CHM: variants seen among roughly 807,000 people sequenced by gnomAD.
CHM encodes the protein rab proteins geranylgeranyltransferase component A 1.
CHM carries 10 observed loss-of-function variants against 49.0 expected under a neutral mutation model. The ratio of observed to expected loss-of-function variants is 0.20; its 90% CI spans 0.13 to 0.35. The LOEUF is 0.35. Among genes scored for constraint, CHM ranks in the 10% least tolerant of loss-of-function variants. The probability of loss-of-function intolerance (pLI) is 1.00; values close to 1 mark genes in which losing one functional copy is unlikely to be tolerated. For synonymous variants in CHM, 184 were observed against 167.5 expected, an observed-to-expected ratio of 1.10 and a Z score of -0.76; for missense variants, 455 against 478.4, an observed-to-expected ratio of 0.95 and a Z score of 0.46.
rs1037994102 is a variant in CHM, at chrX:85,946,873, G to A, written c.1166+9280C>T. On this transcript the variant is annotated intron_variant, in intron 8 of 14. Transcript: ENST00000357749. Reference sequence around the variant, plus strand: ...AACAACCTGTGAGAGCAGCCACAGGGGCTGAACTCTACAAAGCCACAGGGG... The same window carrying A: ...AACAACCTGTGAGAGCAGCCACAGGAGCTGAACTCTACAAAGCCACAGGGG... Among the ~76,000 whole-genome samples, 3 of 112,269 alleles carry A rather than the reference G, an allele frequency of 2.7e-5. No homozygotes were observed. The South Asian group carries it at 1.1e-3, about 41-fold the overall frequency.
intron 3 of CHM, among the ~76,000 whole-genome samples, chrX:85,981,206 CTATATA>C (rs1284378299): frequency 1.8e-5 from 1 of 54,366 alleles, no homozygotes; most frequent in African/African-American, 6.0e-5. Flanking sequence ...ATTTCTATTT[CTATATA>C]TATATATAGA....
intron 8 of CHM, among the ~76,000 whole-genome samples, chrX:85,936,842 T>C (rs1928807154): frequency 8.9e-6 from 1 of 112,238 alleles, no homozygotes; most frequent in South Asian, 3.7e-4. Context: ...GTGTTATACT[T>C]TTTATTGAAT....
intron 8 of CHM, among the ~76,000 whole-genome samples, chrX:85,937,062 C>A (rs1259900240): frequency 9.1e-6 from 1 of 109,528 alleles, no homozygotes; most frequent in African/African-American, 3.3e-5. Context: ...GTCAAGAGAT[C>A]AAGACCATCC....
At chrX:85,891,963 G>A (rs1197999691) in intron 12 of CHM, among the ~76,000 whole-genome samples, 3 of 112,074 alleles carry the variant, frequency 2.7e-5, no homozygotes, top group Non-Finnish European at 5.6e-5. Context: ...GTGAGACCTG[G>A]AGTCAAAGGA....
intron 2 of CHM, among the ~76,000 whole-genome samples, chrX:86,014,133 T>C (rs775233421): frequency 1.8e-4 from 20 of 110,824 alleles, no homozygotes; most frequent in African/African-American, 5.9e-4. Context: ...GAATACAGCA[T>C]CGAAAAGAAA....
intron 8 of CHM, among the ~76,000 whole-genome samples, chrX:85,945,726 A>G (rs6524587): frequency 0.32 from 35,332 of 109,773 alleles, 4,382 homozygotes; most frequent in Admixed American, 0.41. Context: ...CTGAAAATAC[A>G]GAAGCAACTT....
At chrX:85,941,588 A>C (rs1055753233) in intron 8 of CHM, among the ~76,000 whole-genome samples, 2 of 111,565 alleles carry the variant, frequency 1.8e-5, no homozygotes, top group African/African-American at 6.5e-5. Context: ...TTTGGAAAAA[A>C]AGACTATTCA....
chrX:85,940,128 A>G (rs1327321096), intron 8 of CHM, among the ~76,000 whole-genome samples: 1 of 111,580 alleles, frequency 9.0e-6, no homozygotes, highest in Non-Finnish European at 1.9e-5. Context: ...ACGAAGCAGG[A>G]AAGAGAGAGC....
At chrX:85,955,499 A>G (rs1364567224) in intron 8 of CHM, among the ~76,000 whole-genome samples, 2 of 112,616 alleles carry the variant, frequency 1.8e-5, no homozygotes, top group African/African-American at 3.2e-5. Context: ...TCAACTTCAT[A>G]GGTAATTAGG....
At chrX:85,869,997 T>C (rs1569392310) in intron 14 of CHM, among the ~76,000 whole-genome samples, 1 of 112,094 alleles carries the variant, frequency 8.9e-6, no homozygotes, top group Non-Finnish European at 1.9e-5. Flanking sequence ...TTAATGTTTT[T>C]AGGATGTATG....
At position 86,010,208 on chromosome X, in the gene CHM, G is replaced by A. The variant is rs1265874140; in HGVS notation, c.116+17283C>T. On this transcript the variant is annotated intron_variant, in intron 2 of 14. Coordinates refer to ENST00000357749, the MANE Select transcript of CHM (RefSeq NM_000390.4). ...TAGAGGGGTGGGGGGGTAGGGGGGT[G>A]GGGGGGGCTGGAGGAGGGATAGTGT... 1.7e-3 allele frequency among the ~76,000 whole-genome samples: 147 copies of A among 86,473 alleles called. 2 individuals carry two copies. The highest frequency in any genetic ancestry group is 2.9e-3 in the Non-Finnish European group (129 of 44,120). The allele number at this position is 86,473 out of a possible 115,157, so 75.1% of individuals were successfully genotyped here.
At chrX:85,937,622 C>A (rs1481976004) in intron 8 of CHM, among the ~76,000 whole-genome samples, 2 of 109,146 alleles carry the variant, frequency 1.8e-5, no homozygotes, top group African/African-American at 6.7e-5. Flanking sequence ...GGTGGGCAGA[C>A]CACTTGAGGT....
At chrX:86,020,889 T>C (rs1933517933) in intron 2 of CHM, among the ~76,000 whole-genome samples, 1 of 101,138 alleles carries the variant, frequency 9.9e-6, no homozygotes, top group East Asian at 3.1e-4. Context: ...ATATATCTGA[T>C]ATATATGATA....
intron 12 of CHM, among the ~76,000 whole-genome samples, chrX:85,891,025 A>T (rs1237375288): frequency 8.9e-6 from 1 of 111,734 alleles, no homozygotes; most frequent in Admixed American, 9.5e-5. Flanking sequence ...TTTAGCAAAG[A>T]GACTGGCAGC....
chrX:85,874,989 G>C (rs1054863244), intron 13 of CHM, among the ~76,000 whole-genome samples: 1 of 111,520 alleles, frequency 9.0e-6, no homozygotes, highest in Admixed American at 9.6e-5. Flanking sequence ...CATATACTAG[G>C]AGAGCTTATC....
intron 2 of CHM, among the ~76,000 whole-genome samples, chrX:86,013,581 A>C (rs943464208): frequency 9.1e-6 from 1 of 110,060 alleles, no homozygotes; most frequent in Non-Finnish European, 1.9e-5. Context: ...CTAAAAATAC[A>C]AAAATTAGCT....
chrX:85,995,322 C>A (rs1932391712), intron 2 of CHM, among the ~76,000 whole-genome samples: 1 of 103,300 alleles, frequency 9.7e-6, no homozygotes, highest in Non-Finnish European at 2.0e-5. Flanking sequence ...TATTATCAGG[C>A]CTTGGCAGCC....
intron 2 of CHM, among the ~76,000 whole-genome samples, chrX:85,984,851 T>C (rs902923648): frequency 8.9e-6 from 1 of 112,319 alleles, no homozygotes; most frequent in African/African-American, 3.2e-5. Context: ...AAAGAGTACA[T>C]ACTATATGAT....
intron 2 of CHM, among the ~76,000 whole-genome samples, chrX:86,018,314 G>A (rs1344354834): frequency 9.0e-6 from 1 of 111,273 alleles, no homozygotes; most frequent in Non-Finnish European, 1.9e-5. Context: ...AAGAAAATGT[G>A]AATTAAAATA....
Sources: gnomAD v4.1 joint callset for allele counts (sites outside exome capture counted in the v4.1 genomes callset) on GRCh38, gnomAD v4.1.1 for gene constraint, MANE v1.5 for transcripts, NCBI Gene and HGNC (gene_info 2026-07-23, HGNC 2026-07-21) for gene names.